Variants in ACER1 observed in about 807,000 individuals in gnomAD.
ACER1 encodes CTB-180A7.3.
A neutral mutation model predicts 24.9 loss-of-function variants in ACER1; 28 were observed. The observed-to-expected ratio is 1.13, with a 90% CI of 0.83 to 1.54. The LOEUF is 1.54. Ranked by LOEUF, ACER1 falls within the 40% of genes most tolerant of loss-of-function variation. ACER1 has a pLI of 0.00. For synonymous variants in ACER1, 132 were observed against 131.4 expected, an observed-to-expected ratio of 1.00 and a Z score of -0.03; for missense variants, 352 against 349.3, an observed-to-expected ratio of 1.01 and a Z score of -0.06.
At chr19:6,311,994 G>A (rs2091584112) in intron 3 of ACER1, among the ~76,000 whole-genome samples, 155 bp downstream of exon 3, 1 of 151,908 alleles carries the variant, frequency 6.6e-6, no homozygotes, top group Non-Finnish European at 1.5e-5. Context: ...AGTGAGTCAG[G>A]CAGGGTCAGG....
At chr19:6,348,463 T>C in the ACER1 span, among the ~76,000 whole-genome samples, 7,458 of 127,024 alleles carry the variant, frequency 0.059, 301 homozygotes, top group African/African-American at 0.12. Flanking sequence ...AGACTCCATC[T>C]GGAAAAAAAA....
At chr19:6,308,416 C>T (rs923977355) in intron 4 of ACER1, among the ~76,000 whole-genome samples, 14 of 121,318 alleles carry the variant, frequency 1.2e-4, no homozygotes, top group Admixed American at 7.0e-4. Flanking sequence ...GCCTGGGCGA[C>T]AAGAGTGAGA....
rs563315527 is a variant in ACER1 at position 6,333,446 on chromosome 19, C to T, written c.93+13G>A. 3.2e-5 allele frequency: 50 copies of T among 1,575,574 alleles called. No homozygotes were observed. The South Asian group carries it at 5.8e-4, about 18-fold the overall frequency. On this transcript the variant is annotated intron_variant, in intron 1 of 5. Transcript: ENST00000301452. ...GCATCTGGCGAGACTCCTTCACACA[C>T]CCACGCACTCACCGTGTTGTAGAAC...
chr19:6,331,437 T>C (rs147086421), intron 1 of ACER1, among the ~76,000 whole-genome samples: 2,028 of 131,284 alleles, frequency 0.015, 53 homozygotes, highest in Middle Eastern at 0.024. Flanking sequence ...GCGTGAGCCA[T>C]AGCACCCAGC....
At chr19:6,314,285 C>G (rs924198661) in intron 1 of ACER1, among the ~76,000 whole-genome samples, 1 of 151,694 alleles carries the variant, frequency 6.6e-6, no homozygotes, top group African/African-American at 2.4e-5. Flanking sequence ...GCCAGGGCAA[C>G]ATGGTGAAAT....
rs747633120 is a variant in ACER1 at position 6,333,459 on chromosome 19, C to T, written c.93G>A (p.Thr31=). The change falls in exon 1 of 6, where the codon ACG becomes ACA. Residue 31 remains threonine, a splice_region_variant and synonymous_variant. Coordinates refer to ENST00000301452, the MANE Select transcript of ACER1 (RefSeq NM_133492.3). Reference sequence around the variant, plus strand: ...CTCCTTCACACACCCACGCACTCACCGTGTTGTAGAACTCGGCCACCAGCT... The same window carrying T: ...CTCCTTCACACACCCACGCACTCACTGTGTTGTAGAACTCGGCCACCAGCT... ...YSELVAEFYN[T]FSNIPFFIFG... is the part of the protein sequence containing the mutation. 37 of 1,585,790 alleles carry T rather than the reference C, an allele frequency of 2.3e-5. No individual in the cohort carries two copies. Among genetic ancestry groups the T allele is most frequent in the Non-Finnish European group, 3.0e-5 (35 of 1,164,996 alleles).
At chr19:6,342,871 G>A in the ACER1 span, among the ~76,000 whole-genome samples, 1 of 151,804 alleles carries the variant, frequency 6.6e-6, no homozygotes, top group Non-Finnish European at 1.5e-5. Context: ...TCCACCTCCC[G>A]AGATCAAGTG....
the ACER1 span, chr19:6,344,037 G>A: frequency 6.6e-6 from 1 of 152,212 alleles, no homozygotes; most frequent in Non-Finnish European, 1.5e-5. Flanking sequence ...GGGCATGGCA[G>A]CTCATGCCTG....
At chr19:6,317,298 A>C (rs1415572741) in intron 1 of ACER1, among the ~76,000 whole-genome samples, 1 of 152,150 alleles carries the variant, frequency 6.6e-6, no homozygotes, top group Non-Finnish European at 1.5e-5. Context: ...ATAGCAACAC[A>C]AACTGAACTA....
At chr19:6,332,785 CGTAGCCTCCTGA>C (rs2091694874) in intron 1 of ACER1, among the ~76,000 whole-genome samples, 1 of 152,074 alleles carries the variant, frequency 6.6e-6, no homozygotes, top group Non-Finnish European at 1.5e-5. Flanking sequence ...ATTCTCATGC[CGTAGCCTCCTGA>C]GTAGCTTGGA....
chr19:6,309,871 A>G (rs747582841), intron 3 of ACER1, 37 bp from the exon 4 acceptor site: 3 of 1,611,866 alleles, frequency 1.9e-6, no homozygotes, highest in East Asian at 4.5e-5. Flanking sequence ...GCGGGAAGGG[A>G]GGTCCTGGGA....
intron 1 of ACER1, among the ~76,000 whole-genome samples, chr19:6,331,924 C>T (rs1295305536): frequency 6.6e-6 from 1 of 151,812 alleles, no homozygotes; most frequent in Non-Finnish European, 1.5e-5. Context: ...TGATCTTTGG[C>T]TTTAAGCTTT....
upstream of ACER1, among the ~76,000 whole-genome samples, chr19:6,337,702 G>T (rs1381985424): frequency 1.6e-5 from 1 of 61,332 alleles, no homozygotes; most frequent in African/African-American, 6.6e-5. Flanking sequence ...TTGAGATGGA[G>T]TCTTGCTCTG....
In ACER1 at chr19:6,312,278, A is replaced by C. The variant is rs1236085830; in HGVS notation, c.221T>G (p.Met74Arg). 13 of 1,614,088 alleles carry C rather than the reference A, an allele frequency of 8.1e-6. No homozygotes were observed. The highest frequency in any genetic ancestry group is 1.1e-5 in the Non-Finnish European group (13 of 1,179,970). The stretch of plus-strand genomic sequence containing the variant: ...GAAGCTGAGCGTCATGTGGAAATAC[A>C]TGGAGAACAGGCCTGCAGCGGCAAG... ...VLFMIIGLFS[M>R]YFHMTLSFLG... Residue 74 changes from methionine to arginine, a missense_variant, in exon 3 of 6, where the codon ATG becomes AGG. Transcript: ENST00000301452.
chr19:6,319,156 CA>C (rs2091617987), intron 1 of ACER1, among the ~76,000 whole-genome samples: 1 of 152,124 alleles, frequency 6.6e-6, no homozygotes, highest in Admixed American at 6.6e-5. Context: ...ATCGTTATTC[CA>C]AGCTTAGGGG....
In ACER1 at chr19:6,333,490, T is replaced by C. The variant is rs747991864; in HGVS notation, c.62A>G (p.Tyr21Cys). The stretch of plus-strand genomic sequence containing the variant: ...GTAGAACTCGGCCACCAGCTCCGAG[T>C]ACTGGAAGTTGCTCTCACACCAGTC... ...EVDWCESNFQ[Y>C]SELVAEFYNT... Residue 21 changes from tyrosine to cysteine, a missense_variant, in exon 1 of 6, where the codon TAC becomes TGC. Physicochemically the swap from Tyr to Cys is radical, Grantham distance 194. Transcript: ENST00000301452. The C allele has an allele frequency of 8.7e-5, 138 of 1,593,510 alleles. No homozygotes were observed. Among genetic ancestry groups the C allele is most frequent in the Non-Finnish European group, 1.1e-4 (133 of 1,169,430 alleles).
At chr19:6,345,247 G>A in the ACER1 span, among the ~76,000 whole-genome samples, 8,599 of 151,972 alleles carry the variant, frequency 0.057, 402 homozygotes, top group African/African-American at 0.13. Context: ...ATTGGCACAC[G>A]GTCACACCCA....
chr19:6,325,720 C>T (rs1016506120), intron 1 of ACER1, among the ~76,000 whole-genome samples: 5 of 152,062 alleles, frequency 3.3e-5, no homozygotes, highest in African/African-American at 9.6e-5. Context: ...TTGAGCTGGG[C>T]GTGGTGGCTC....
chr19:6,312,365 C>A lies in ACER1; in HGVS notation c.208+20G>T. ...CCCACTGCCTCCCGACTGTCACAGA[C>A]CTGAACCACACCTCCCTACCTATGA... On this transcript the variant is annotated intron_variant, in intron 2 of 5. Transcript: ENST00000301452. 1 of 1,613,982 alleles carries A rather than the reference C, an allele frequency of 6.2e-7. No individual in the cohort carries two copies. Among genetic ancestry groups the A allele is most frequent in the Non-Finnish European group, 8.5e-7 (1 of 1,180,000 alleles).
Sources: allele counts gnomAD v4.1 joint callset (sites outside exome capture counted in the v4.1 genomes callset), GRCh38; gene constraint gnomAD v4.1.1; transcripts MANE v1.5; gene names NCBI Gene and HGNC (gene_info 2026-07-23, HGNC 2026-07-21).